Variants in AUTS2 observed in about 807,000 individuals in gnomAD.
AUTS2 encodes the protein autism susceptibility gene 2 protein.
A neutral mutation model predicts 112.4 loss-of-function variants in AUTS2; 17 were observed. The ratio of observed to expected loss-of-function variants is 0.15; its 90% CI spans 0.10 to 0.23. AUTS2 has a LOEUF of 0.23. AUTS2 is among the 10% of genes least tolerant of loss of function. The pLI, the probability that AUTS2 is intolerant of heterozygous loss-of-function variation, is 1.00. For synonymous variants in AUTS2, 751 were observed against 702.7 expected (o/e 1.07, Z -1.09); for missense variants, 1,510 against 1,701.6 (o/e 0.89, Z 1.98).
At chr7:70,066,332 C>CT (rs1198458456) in intron 2 of AUTS2, among the ~76,000 whole-genome samples, 1 of 151,946 alleles carries the variant, frequency 6.6e-6, no homozygotes, top group African/African-American at 2.4e-5. Context: ...TTAACATTTT[C>CT]TTTTTAATTT....
At chr7:70,440,561 G>C (rs996705040) in intron 5 of AUTS2, among the ~76,000 whole-genome samples, 3 of 151,982 alleles carry the variant, frequency 2.0e-5, no homozygotes, top group African/African-American at 7.2e-5. Context: ...TCTTTGGAAA[G>C]CTGGGGTTCT....
chr7:70,605,520 T>C (rs38303), intron 5 of AUTS2, among the ~76,000 whole-genome samples: 25,889 of 147,158 alleles, frequency 0.18, 2,396 homozygotes, highest in African/African-American at 0.2. Flanking sequence ...TTTCTTTTTT[T>C]TTTCTTTCTT....
At chr7:70,552,057 AAG>A (rs1271522504) in intron 5 of AUTS2, among the ~76,000 whole-genome samples, 1 of 152,098 alleles carries the variant, frequency 6.6e-6, no homozygotes, top group African/African-American at 2.4e-5. Context: ...AGAAGAGGAG[AAG>A]AGAGGGGAGG....
chr7:70,434,001 A>G (rs1795785993), intron 4 of AUTS2, among the ~76,000 whole-genome samples: 1 of 152,010 alleles, frequency 6.6e-6, no homozygotes, highest in Admixed American at 6.6e-5. Flanking sequence ...TCTGTCAGGC[A>G]TTTTTTCCCT....
chr7:70,504,238 A>G (rs1226285449), intron 5 of AUTS2, among the ~76,000 whole-genome samples: 2 of 151,748 alleles, frequency 1.3e-5, no homozygotes, highest in African/African-American at 4.8e-5. Context: ...TAATAGCCAC[A>G]TGTCCAGTCT....
intron 4 of AUTS2, among the ~76,000 whole-genome samples, chr7:70,394,153 A>G (rs1180211151): frequency 6.6e-6 from 1 of 152,192 alleles, no homozygotes; most frequent in Non-Finnish European, 1.5e-5. Flanking sequence ...TTGTGTTCAT[A>G]TGCTATCAAT....
intron 5 of AUTS2, among the ~76,000 whole-genome samples, chr7:70,544,222 G>A (rs1800676266): frequency 6.6e-6 from 1 of 152,204 alleles, no homozygotes; most frequent in Non-Finnish European, 1.5e-5. Flanking sequence ...GGTGCCAGGA[G>A]GCTTGACATC....
intron 5 of AUTS2, among the ~76,000 whole-genome samples, chr7:70,570,828 T>C (rs1191357675): frequency 6.6e-6 from 1 of 152,232 alleles, no homozygotes; most frequent in Non-Finnish European, 1.5e-5. Context: ...TGTTGACTTA[T>C]GACCAAGCAC....
In AUTS2 at chr7:69,978,281, G is replaced by C. The variant is rs1375713907; in HGVS notation, c.522+78783G>C. ...TTTATTGCAATTCCATCAAGATGTAGATTCCAGAAACAACATTGTCTTTTC... is the reference window on the plus strand; with the variant it reads ...TTTATTGCAATTCCATCAAGATGTACATTCCAGAAACAACATTGTCTTTTC... On this transcript the variant is annotated intron_variant, in intron 2 of 18. Transcript: ENST00000342771. Among the ~76,000 whole-genome samples the C allele has an allele frequency of 2.0e-5, 3 of 152,158 alleles. No homozygotes were observed. The East Asian group carries it at 5.8e-4, about 29-fold the overall frequency.
chr7:70,479,370 C>G (rs1041081717), intron 5 of AUTS2, among the ~76,000 whole-genome samples: 6 of 152,162 alleles, frequency 3.9e-5, no homozygotes, highest in Admixed American at 2.6e-4. Flanking sequence ...CCTGACCCTT[C>G]AGAGGCACGC....
intron 1 of AUTS2, among the ~76,000 whole-genome samples, chr7:69,695,935 T>C (rs1797542599): frequency 6.6e-6 from 1 of 152,210 alleles, no homozygotes; most frequent in Non-Finnish European, 1.5e-5. Context: ...CAAGAAATGC[T>C]CTTTTTCCAT....
chr7:70,629,426 C>T (rs926133029), intron 5 of AUTS2, among the ~76,000 whole-genome samples: 5 of 151,892 alleles, frequency 3.3e-5, no homozygotes, highest in South Asian at 4.2e-4. Context: ...GAGCTGAGAT[C>T]GTGCCACTGC....
intron 5 of AUTS2, among the ~76,000 whole-genome samples, chr7:70,461,427 G>A (rs975323094): frequency 1.6e-4 from 24 of 152,136 alleles, no homozygotes; most frequent in African/African-American, 5.6e-4. Flanking sequence ...GCTTGGCTTA[G>A]TTACCAAAGG....
intron 5 of AUTS2, among the ~76,000 whole-genome samples, chr7:70,683,460 G>A (rs1477442710): frequency 1.3e-5 from 2 of 152,216 alleles, no homozygotes; most frequent in African/African-American, 4.8e-5. Context: ...GTCCTTGAGT[G>A]ATTGAATCTA....
intron 1 of AUTS2, among the ~76,000 whole-genome samples, chr7:69,856,779 C>T (rs977377830): frequency 6.6e-6 from 1 of 152,058 alleles, no homozygotes; most frequent in Admixed American, 6.5e-5. Context: ...CTTGTTGTAC[C>T]CTTGTTTCTA....
intron 1 of AUTS2, among the ~76,000 whole-genome samples, chr7:69,805,860 C>T (rs965055507): frequency 2.0e-5 from 3 of 152,152 alleles, no homozygotes; most frequent in Non-Finnish European, 2.9e-5. Context: ...CTGAATCTCA[C>T]ACCAAGGTCC....
At chr7:69,982,079 TCTGA>T (rs1798318491) in intron 2 of AUTS2, among the ~76,000 whole-genome samples, 1 of 152,234 alleles carries the variant, frequency 6.6e-6, no homozygotes, top group South Asian at 2.1e-4. Flanking sequence ...GAATATACTG[TCTGA>T]ATTAAATGTA....
intron 1 of AUTS2, among the ~76,000 whole-genome samples, chr7:69,732,037 G>C (rs1391169171): frequency 6.6e-6 from 1 of 151,726 alleles, no homozygotes; most frequent in Non-Finnish European, 1.5e-5. Context: ...CACTAGCCTA[G>C]TATCACAGTA....
At chr7:69,947,557 T>A (rs1796864058) in intron 2 of AUTS2, among the ~76,000 whole-genome samples, 1 of 152,236 alleles carries the variant, frequency 6.6e-6, no homozygotes, top group Non-Finnish European at 1.5e-5. Context: ...TTTCTACTTA[T>A]TTTAGATACT....
Sources: gnomAD v4.1 joint callset for allele counts (sites outside exome capture counted in the v4.1 genomes callset) on GRCh38, gnomAD v4.1.1 for gene constraint, MANE v1.5 for transcripts, NCBI Gene and HGNC (gene_info 2026-07-23, HGNC 2026-07-21) for gene names.